Variants in TANC1 observed in about 807,000 individuals in gnomAD.
The protein encoded by TANC1 is tetratricopeptide repeat, ankyrin repeat and coiled-coil containing 1.
A neutral mutation model predicts 149.7 loss-of-function variants in TANC1; 77 were observed. The ratio of observed to expected loss-of-function variants is 0.51; its 90% CI spans 0.43 to 0.62. The LOEUF is 0.62. Among genes scored for constraint, TANC1 ranks in the 20% least tolerant of loss-of-function variants. TANC1 has a pLI of 0.00. For missense variants in TANC1, 1,985 were observed against 2,321.8 expected (o/e 0.85, Z 2.98); for synonymous variants, 854 against 925.0 (o/e 0.92, Z 1.39).
chr2:158,978,691 G>C (rs1197908719), intron 1 of TANC1, among the ~76,000 whole-genome samples: 1 of 152,198 alleles, frequency 6.6e-6, no homozygotes, highest in Non-Finnish European at 1.5e-5. Context: ...TGGGAGATGG[G>C]AGGTGATGGG....
chr2:159,198,030 C>T (rs754223773), intron 18 of TANC1, among the ~76,000 whole-genome samples: 5 of 152,114 alleles, frequency 3.3e-5, no homozygotes, highest in Non-Finnish European at 5.9e-5. Flanking sequence ...TTTCTCAATT[C>T]TTGAAGCCAC....
intron 7 of TANC1, among the ~76,000 whole-genome samples, chr2:159,154,547 T>A (rs1404956265): frequency 6.6e-6 from 1 of 152,134 alleles, no homozygotes; most frequent in Admixed American, 6.6e-5. Flanking sequence ...GGCCAGGGCT[T>A]AGCAAACCCC....
intron 7 of TANC1, among the ~76,000 whole-genome samples, chr2:159,159,692 G>A (rs925390188): frequency 2.8e-5 from 1 of 35,096 alleles, no homozygotes; most frequent in East Asian, 4.1e-4. Context: ...ATACACATAC[G>A]TGTGTGTGTG....
intron 3 of TANC1, among the ~76,000 whole-genome samples, chr2:159,096,500 C>A (rs2046152603): frequency 6.6e-6 from 1 of 152,192 alleles, no homozygotes; most frequent in Admixed American, 6.5e-5. Flanking sequence ...TTACTTTCTG[C>A]AGAAAGGGTG....
intron 17 of TANC1, among the ~76,000 whole-genome samples, chr2:159,195,578 CA>C (rs1001006784): frequency 3.9e-5 from 6 of 152,064 alleles, no homozygotes; most frequent in African/African-American, 1.4e-4. Flanking sequence ...ATTTAAAGTT[CA>C]AAAAAATTAG....
intron 1 of TANC1, among the ~76,000 whole-genome samples, chr2:158,990,277 C>T (rs1266407834): frequency 6.6e-6 from 1 of 152,158 alleles, no homozygotes; most frequent in Non-Finnish European, 1.5e-5. Flanking sequence ...AATGTTTGTA[C>T]AGTACTTTTA....
chr2:159,051,871 C>A (rs11679562), intron 2 of TANC1, among the ~76,000 whole-genome samples: 37,246 of 152,020 alleles, frequency 0.25, 5,992 homozygotes, highest in Non-Finnish European at 0.37. Flanking sequence ...TGCAGCTGTT[C>A]CTAACCATGA....
chr2:158,997,913 G>A (rs1356732770), intron 1 of TANC1, among the ~76,000 whole-genome samples: 1 of 152,172 alleles, frequency 6.6e-6, no homozygotes, highest in Admixed American at 6.5e-5. Flanking sequence ...GTATGGAAAG[G>A]TGGGGAAAAA....
intron 3 of TANC1, among the ~76,000 whole-genome samples, chr2:159,087,525 TG>T (rs2045049116): frequency 6.6e-6 from 1 of 151,392 alleles, no homozygotes; most frequent in African/African-American, 2.4e-5. Flanking sequence ...GTTTTTTTTT[TG>T]ACACAGGGTC....
intron 3 of TANC1, among the ~76,000 whole-genome samples, chr2:159,073,512 C>T (rs762191460): frequency 7.2e-5 from 11 of 152,164 alleles, no homozygotes; most frequent in Non-Finnish European, 1.3e-4. Flanking sequence ...TCAAACAATG[C>T]TTCTTTACTT....
At chr2:159,024,284 G>C (rs1348944050) in intron 2 of TANC1, among the ~76,000 whole-genome samples, 1 of 152,158 alleles carries the variant, frequency 6.6e-6, no homozygotes, top group African/African-American at 2.4e-5. Flanking sequence ...TTATAGTGCA[G>C]TTACCTTATT....
At chr2:159,108,261 A>C in intron 4 of TANC1, among the ~76,000 whole-genome samples, 1 of 152,130 alleles carries the variant, frequency 6.6e-6, no homozygotes, top group Non-Finnish European at 1.5e-5. Flanking sequence ...TGTGTCTTCA[A>C]CTGGGTTTGT....
Position 159,065,952 on chromosome 2 carries a change from G to C in TANC1, c.42G>C (p.Lys14Asn), listed in dbSNP as rs550972103. 14 of 1,613,860 alleles carry C rather than the reference G, an allele frequency of 8.7e-6. No homozygotes were observed. In the East Asian group the frequency reaches 2.9e-4, roughly 33 times the overall value. ...AVLKKSREGG[K>N]GGKKEAGSDF... ...TGAAGAAGAGCCGAGAGGGAGGAAA[G>C]GGAGGCAAGAAGGAAGCAGGTATGT... The change falls in exon 3 of 27, where the codon AAG becomes AAC. Residue 14 changes from lysine (K) to asparagine (N), a missense_variant. Physicochemically the swap from Lys to Asn is moderately conservative, Grantham distance 94. Transcript: ENST00000263635.
Position 159,231,243 on chromosome 2 carries a change from A to C in TANC1, c.*231A>C. The C allele has an allele frequency of 4.4e-6, 2 of 450,582 alleles. No homozygotes were observed. Among genetic ancestry groups the C allele is most frequent in the Non-Finnish European group, 3.9e-6 (1 of 253,538 alleles). 27.9% of individuals were successfully genotyped at this position (450,582 alleles called of 1,614,324 possible). On this transcript the variant is annotated 3_prime_UTR_variant, in exon 27 of 27. Coordinates refer to ENST00000263635, the MANE Select transcript of TANC1 (RefSeq NM_033394.3). Reference sequence around the variant, plus strand: ...AAAATTATATCAACTTAAAATTTTAAGACAGCCCAGAAGACATTAATGACT... The same window carrying C: ...AAAATTATATCAACTTAAAATTTTACGACAGCCCAGAAGACATTAATGACT...
intron 4 of TANC1, among the ~76,000 whole-genome samples, chr2:159,107,650 AC>A (rs1484851159): frequency 6.6e-6 from 1 of 152,132 alleles, no homozygotes; most frequent in South Asian, 2.1e-4. Flanking sequence ...TTGTGCCTTC[AC>A]CCAGCCCTAT....
rs560827464 is a variant in TANC1 at position 159,096,834 on chromosome 2, AC to A, written c.62-802del. Among the ~76,000 whole-genome samples the A allele has an allele frequency of 3.4e-3, 516 of 152,336 alleles. 3 individuals are homozygous for A. The highest frequency in any genetic ancestry group is 0.012 in the African/African-American group (498 of 41,588). On this transcript the variant is annotated intron_variant, in intron 3 of 26. Transcript: ENST00000263635. ...ATTAGGATTGGCGGGAAAGTTGTTGACTGAAACTAGAAGCGAGAAGCCAAAG... is the reference window on the plus strand; with the variant it reads ...ATTAGGATTGGCGGGAAAGTTGTTGATGAAACTAGAAGCGAGAAGCCAAAG...
chr2:159,053,019 C>T (rs1412068793), intron 2 of TANC1, among the ~76,000 whole-genome samples: 1 of 152,176 alleles, frequency 6.6e-6, no homozygotes, highest in Non-Finnish European at 1.5e-5. Flanking sequence ...GTACAGATTG[C>T]TGAAGCCATC....
intron 1 of TANC1, among the ~76,000 whole-genome samples, chr2:158,990,151 G>A (rs890389168): frequency 6.6e-6 from 1 of 151,714 alleles, no homozygotes; most frequent in Non-Finnish European, 1.5e-5. Flanking sequence ...TCCTGACCTC[G>A]TGATCTGCCC....
At chr2:159,189,175 T>G (rs2150644835) in intron 16 of TANC1, among the ~76,000 whole-genome samples, 1 of 152,402 alleles carries the variant, frequency 6.6e-6, no homozygotes, top group Non-Finnish European at 1.5e-5. Flanking sequence ...TTACATGAAT[T>G]GTTGTTAGTG....
Sources: allele counts gnomAD v4.1 joint callset (sites outside exome capture counted in the v4.1 genomes callset), GRCh38; gene constraint gnomAD v4.1.1; transcripts MANE v1.5; gene names NCBI Gene and HGNC (gene_info 2026-07-23, HGNC 2026-07-21).